ABLIM2: variants seen among roughly 807,000 people sequenced by gnomAD.
The protein encoded by ABLIM2 is actin binding LIM protein family member 2.
In ABLIM2, 53 loss-of-function variants were observed where a neutral mutation model predicts 97.7. The observed-to-expected ratio is 0.54, with a 90% CI of 0.44 to 0.68. ABLIM2 has a LOEUF of 0.68. ABLIM2 is among the 30% of genes least tolerant of loss of function. The pLI, the probability that ABLIM2 is intolerant of heterozygous loss-of-function variation, is 0.00. For synonymous variants in ABLIM2, 361 were observed against 345.8 expected (o/e 1.04, Z -0.49); for missense variants, 835 against 867.2 (o/e 0.96, Z 0.47).
chr4:8,029,984 C>G (rs1275173000), intron 10 of ABLIM2, among the ~76,000 whole-genome samples: 1 of 152,178 alleles, frequency 6.6e-6, no homozygotes, highest in Admixed American at 6.5e-5. Flanking sequence ...CCCCGCTGTG[C>G]CTGCTGGATC....
Position 8,128,402 on chromosome 4 carries a change from G to A in ABLIM2, c.11-21765C>T, listed in dbSNP as rs568965881. Among the ~76,000 whole-genome samples, 2 of 152,274 alleles carry A rather than the reference G, an allele frequency of 1.3e-5. No homozygotes were observed. The highest frequency in any genetic ancestry group is 1.9e-4 in the East Asian group (1 of 5,180). Reference sequence around the variant, plus strand: ...AGTCCAGCACCCCGTCATAGGATGCGTTGCACCTGCACACCCAGTACAGCT... The same window carrying A: ...AGTCCAGCACCCCGTCATAGGATGCATTGCACCTGCACACCCAGTACAGCT... On this transcript the variant is annotated intron_variant, in intron 1 of 20. Transcript: ENST00000447017. This position sits in a 1 kb window ranked among gnomAD's most constrained non-coding sequence, Gnocchi z 4.9.
At chr4:8,103,197 G>A (rs1243964193) in intron 2 of ABLIM2, among the ~76,000 whole-genome samples, 3 of 152,194 alleles carry the variant, frequency 2.0e-5, no homozygotes, top group African/African-American at 7.2e-5. Flanking sequence ...TTCGTGTTAA[G>A]ATGACAAATA....
chr4:8,084,020 G>T (rs1480987516), intron 4 of ABLIM2, among the ~76,000 whole-genome samples: 1 of 151,968 alleles, frequency 6.6e-6, no homozygotes, highest in East Asian at 1.9e-4. Context: ...AGCACCTCAG[G>T]TCTAACTGGG....
In ABLIM2 at chr4:7,996,851, CTGCTATCGCTTGAA is replaced by C; in HGVS notation, c.1619-3938_1619-3925del. On this transcript the variant is annotated intron_variant, in intron 16 of 20. Coordinates refer to ENST00000447017, the MANE Select transcript of ABLIM2 (RefSeq NM_001130083.2). This position sits in a 1 kb window ranked among gnomAD's most constrained non-coding sequence, Gnocchi z 4.5. ...GCCTCTGTGGCTTCTGATGAGAAATCTGCTATCGCTTGAATTGGTGTTTCCCCTCTGTTTTTTCT... is the reference window on the plus strand; with the variant it reads ...GCCTCTGTGGCTTCTGATGAGAAATCTTGGTGTTTCCCCTCTGTTTTTTCT... Among the ~76,000 whole-genome samples the C allele has an allele frequency of 6.6e-6, 1 of 152,200 alleles. No homozygotes were observed.
intron 3 of ABLIM2, among the ~76,000 whole-genome samples, chr4:8,094,395 C>T (rs1354854730): frequency 1.3e-5 from 2 of 152,196 alleles, no homozygotes; most frequent in African/African-American, 4.8e-5. Context: ...AGACTCACGT[C>T]TCCAACAACT....
intron 6 of ABLIM2, chr4:8,066,795 G>C (rs1246142476): frequency 6.6e-6 from 1 of 152,132 alleles, no homozygotes. Context: ...TTTCCTCTCG[G>C]GGTGACGAAA....
intron 9 of ABLIM2, among the ~76,000 whole-genome samples, chr4:8,042,248 G>A (rs944452303): frequency 6.6e-6 from 1 of 152,068 alleles, no homozygotes; most frequent in African/African-American, 2.4e-5. Context: ...CCCAAGGCGG[G>A]TCATAGAAAC....
chr4:7,983,791 C>T (rs1352536345), intron 18 of ABLIM2, among the ~76,000 whole-genome samples: 3 of 152,244 alleles, frequency 2.0e-5, no homozygotes, highest in Admixed American at 2.0e-4. Context: ...GCAGGCCAGG[C>T]TGGAAGCCGG....
chr4:8,061,006 C>G lies in ABLIM2; in HGVS notation c.724G>C (p.Gly242Arg). 2 of 1,599,876 alleles carry G rather than the reference C, an allele frequency of 1.3e-6. No homozygotes were observed. The highest frequency in any genetic ancestry group is 1.7e-6 in the Non-Finnish European group (2 of 1,173,180). ...HPSCALCVRC[G>R]QMFAEGEEMY... is the part of the protein sequence containing the mutation. ...TCTTCGCCTTCTGCAAACATCTGGC[C>G]GCACCTGACACATAGCGCGCAGGAA... Residue 242 changes from glycine (G) to arginine (R), a missense_variant, in exon 7 of 21, where the codon GGC becomes CGC. By Grantham distance (125) the Gly-to-Arg change is moderately radical. Transcript: ENST00000447017. This position sits in a 1 kb window ranked among gnomAD's most constrained non-coding sequence, Gnocchi z 4.5.
chr4:8,036,121 T>C lies in ABLIM2; in HGVS notation c.1047+28A>G, dbSNP rs200156313. ...AGGGCAGCACTTGGGGACACAGGTG[T>C]CCAGGGCCATGTGGGCAGGGTCCAT... On this transcript the variant is annotated intron_variant, in intron 10 of 20. Transcript: ENST00000447017. The C allele has an allele frequency of 6.6e-4, 1,062 of 1,611,734 alleles. 15 individuals are homozygous for C. In the South Asian group the frequency reaches 0.011, roughly 16 times the overall value.
chr4:7,972,456 G>T (rs937992854), intron 20 of ABLIM2, among the ~76,000 whole-genome samples: 4 of 152,206 alleles, frequency 2.6e-5, no homozygotes, highest in Non-Finnish European at 5.9e-5. Flanking sequence ...GTCCCTCAAG[G>T]CTGAGTCAGT....
At position 8,003,377 on chromosome 4, in the gene ABLIM2, A is replaced by G. The variant is rs1425703267; in HGVS notation, c.1618+4682T>C. 6.6e-6 allele frequency among the ~76,000 whole-genome samples: 1 copy of G among 152,128 alleles called. No homozygotes were observed. The highest frequency in any genetic ancestry group is 1.5e-5 in the Non-Finnish European group (1 of 68,028). On this transcript the variant is annotated intron_variant, in intron 16 of 20. Transcript: ENST00000447017. This position sits in a 1 kb window ranked among gnomAD's most constrained non-coding sequence, Gnocchi z 4.2. ...GAATGCTGTACTGAGAGTGAGAAACAGAATGGGTGTGTGGATACTGGAGGG... is the reference window on the plus strand; with the variant it reads ...GAATGCTGTACTGAGAGTGAGAAACGGAATGGGTGTGTGGATACTGGAGGG...
At chr4:8,052,016 C>G (rs1796366859) in intron 8 of ABLIM2, among the ~76,000 whole-genome samples, 1 of 152,208 alleles carries the variant, frequency 6.6e-6, no homozygotes, top group Non-Finnish European at 1.5e-5. Context: ...CCCTCTTTCT[C>G]TCTACCAGGG....
chr4:8,113,077 C>T lies in ABLIM2; in HGVS notation c.11-6440G>A, dbSNP rs1841159297. On this transcript the variant is annotated intron_variant, in intron 1 of 20. Coordinates refer to ENST00000447017, the MANE Select transcript of ABLIM2 (RefSeq NM_001130083.2). The surrounding 1 kb of genome is among the most constrained non-coding windows in gnomAD (Gnocchi z 4.5). ...ACGACCCAGACAGCAGAGTCCTCAT[C>T]ATTCCGTGATCTCTGGGAATCTTTT... is the stretch of plus-strand genomic sequence containing the variant. Among the ~76,000 whole-genome samples the T allele has an allele frequency of 6.6e-6, 1 of 152,164 alleles. No individual in the cohort carries two copies. Among genetic ancestry groups the T allele is most frequent in the Non-Finnish European group, 1.5e-5 (1 of 68,034 alleles).
Position 8,008,093 on chromosome 4 carries a change from AGGGTCTCTGTC to A in ABLIM2, c.1573_1583del (p.Asp525SerfsTer19). 6.2e-7 allele frequency: 1 copy of A among 1,613,972 alleles called. No individual in the cohort carries two copies. Among genetic ancestry groups the A allele is most frequent in the Non-Finnish European group, 8.5e-7 (1 of 1,179,884 alleles). ...AGCTGTCCCCTGCCATCCTTTGGAG[AGGGTCTCTGTC>A]GGTCCCGCTGCTGTGGGACAAGGAC... is the stretch of plus-strand genomic sequence containing the variant. On this transcript the variant is annotated frameshift_variant, in exon 16 of 21. Transcript: ENST00000447017. LOFTEE classifies it high-confidence loss of function.
intron 18 of ABLIM2, among the ~76,000 whole-genome samples, chr4:7,984,128 T>C (rs905502340): frequency 1.2e-4 from 19 of 152,142 alleles, no homozygotes; most frequent in Admixed American, 6.5e-4. Context: ...CAGAAAGCAG[T>C]ATCTACAGAA....
Position 8,002,418 on chromosome 4 carries a change from C to T in ABLIM2, c.1618+5641G>A, listed in dbSNP as rs902363853. On this transcript the variant is annotated intron_variant, in intron 16 of 20. Transcript: ENST00000447017. This position sits in a 1 kb window ranked among gnomAD's most constrained non-coding sequence, Gnocchi z 6.1. Reference sequence around the variant, plus strand: ...GAGATCCTTCCAGGGCCCCCCACTGCTTTTGTGGGAGCCCTTTTCCTCTCG... The same window carrying T: ...GAGATCCTTCCAGGGCCCCCCACTGTTTTTGTGGGAGCCCTTTTCCTCTCG... Among the ~76,000 whole-genome samples the T allele has an allele frequency of 6.6e-6, 1 of 152,220 alleles. No homozygotes were observed. Among genetic ancestry groups the T allele is most frequent in the Non-Finnish European group, 1.5e-5 (1 of 68,046 alleles).
At chr4:8,078,527 G>A (rs541366542) in intron 5 of ABLIM2, among the ~76,000 whole-genome samples, 6 of 152,320 alleles carry the variant, frequency 3.9e-5, no homozygotes, top group East Asian at 1.9e-4. Context: ...CTTCACACCC[G>A]TTATCATGAT....
chr4:7,980,327 T>A (rs1335117855), intron 20 of ABLIM2, among the ~76,000 whole-genome samples: 1 of 152,286 alleles, frequency 6.6e-6, no homozygotes, highest in South Asian at 2.1e-4. Context: ...CAAATTCCTG[T>A]ATGACTCTAG....
Sources: gnomAD v4.1 joint callset for allele counts (sites outside exome capture counted in the v4.1 genomes callset) on GRCh38, gnomAD v4.1.1 for gene constraint, Gnocchi (gnomAD v3.1) non-coding constraint, MANE v1.5 for transcripts, NCBI Gene and HGNC (gene_info 2026-07-23, HGNC 2026-07-21) for gene names.